The following PCDHA5 variants were observed in gnomAD, a reference collection of about 807,000 sequenced individuals.
PCDHA5 encodes the protein protocadherin alpha-5.
A neutral mutation model predicts 61.6 loss-of-function variants in PCDHA5; 43 were observed. The ratio of observed to expected loss-of-function variants is 0.70; its 90% CI spans 0.55 to 0.90. The LOEUF is 0.90. Ranked by LOEUF, PCDHA5 falls within the 40% of genes least tolerant of loss-of-function variation. The probability of loss-of-function intolerance (pLI) is 0.00; values close to 1 mark genes in which losing one functional copy is unlikely to be tolerated. For synonymous variants in PCDHA5, 627 were observed against 543.9 expected (o/e 1.15, Z -2.13); for missense variants, 1,298 against 1,222.7 (o/e 1.06, Z -0.92).
chr5:140,954,470 G>T (rs999752135), intron 1 of PCDHA5, among the ~76,000 whole-genome samples: 2 of 152,150 alleles, frequency 1.3e-5, no homozygotes, highest in Non-Finnish European at 2.9e-5. Flanking sequence ...ATTCTGACTG[G>T]TGTGAGAAGA....
At chr5:140,984,371 C>T (rs2097099528) in intron 3 of PCDHA5, among the ~76,000 whole-genome samples, 1 of 152,150 alleles carries the variant, frequency 6.6e-6, no homozygotes, top group African/African-American at 2.4e-5. Flanking sequence ...TGGCCAAGTC[C>T]CTCTTTCAGA....
At chr5:140,883,786 C>G in intron 1 of PCDHA5, 1 of 1,612,422 alleles carries the variant, frequency 6.2e-7, no homozygotes, top group Admixed American at 1.7e-5. Flanking sequence ...CGCTGTCGAG[C>G]TACGTGTCGG....
chr5:141,009,852 A>G lies in PCDHA5; in HGVS notation c.2726A>G (p.Lys909Arg), dbSNP rs1554262492. The G allele has an allele frequency of 6.2e-7, 1 of 1,614,074 alleles. No homozygotes were observed. Among genetic ancestry groups the G allele is most frequent in the East Asian group, 2.2e-5 (1 of 44,874 alleles). ...FITFGKKEET[K>R]KKKKKKKGNK... ...ACCTTCGGCAAAAAGGAGGAGACCA[A>G]GAAAAAGAAGAAAAAGAAGAAGGGT... Residue 909 changes from lysine (K) to arginine (R), a missense_variant, in exon 4 of 4, where the codon AAG becomes AGG. Physicochemically the swap from Lys to Arg is conservative, Grantham distance 26. Coordinates refer to ENST00000529859, the MANE Select transcript of PCDHA5 (RefSeq NM_018908.3).
chr5:140,887,317 C>T lies in PCDHA5; in HGVS notation c.2352+63190C>T, dbSNP rs10066665. ...TTCATCTTGTTAGCCAGGATAGTCT[C>T]GAACTCCTGACCTCGTGATCCACCT... On this transcript the variant is annotated intron_variant, in intron 1 of 3. Transcript: ENST00000529859. Among the ~76,000 whole-genome samples the T allele has an allele frequency of 7.3e-3, 1,116 of 152,162 alleles. 15 individuals carry two copies. The highest frequency in any genetic ancestry group is 0.025 in the African/African-American group (1,043 of 41,520).
intron 1 of PCDHA5, chr5:140,881,915 C>G (rs1431128063): frequency 1.7e-5 from 4 of 240,684 alleles, no homozygotes; most frequent in African/African-American, 8.9e-5. Flanking sequence ...AAATGTTGAG[C>G]AGAATGCAGT....
chr5:140,921,131 C>A (rs532456439), intron 1 of PCDHA5, among the ~76,000 whole-genome samples: 1 of 133,054 alleles, frequency 7.5e-6, no homozygotes, highest in East Asian at 2.3e-4. Flanking sequence ...CAGGTGCACA[C>A]CACTACACCC....
intron 1 of PCDHA5, among the ~76,000 whole-genome samples, chr5:140,937,239 G>C (rs1331547271): frequency 2.0e-5 from 3 of 151,804 alleles, no homozygotes; most frequent in African/African-American, 7.3e-5. Context: ...GGGTTTCACC[G>C]TGTTAGCCAG....
chr5:140,821,991 C>T lies in PCDHA5; in HGVS notation c.216C>T (p.Asp72=), dbSNP rs2150112767. The change falls in exon 1 of 4, where the codon GAC becomes GAT. Residue 72 remains aspartate (D), a synonymous_variant. Coordinates refer to ENST00000529859, the MANE Select transcript of PCDHA5 (RefSeq NM_018908.3). The part of the protein sequence containing the change: ...LFRVASKGRG[D]LLEVNLQNGI... ...GGGTGGCGTCCAAGGGCCGCGGGGA[C>T]CTTCTGGAGGTAAATCTGCAGAATG... 1.9e-6 allele frequency: 3 copies of T among 1,614,126 alleles called. No individual in the cohort carries two copies. The South Asian group carries it at 3.3e-5, about 18-fold the overall frequency.
intron 1 of PCDHA5, chr5:140,843,101 G>T (rs1778561024): frequency 1.3e-6 from 2 of 1,595,770 alleles, no homozygotes; most frequent in Non-Finnish European, 1.7e-6. Flanking sequence ...GGTAGCGAAG[G>T]TGCGCGCAGT....
chr5:140,867,150 G>C lies in PCDHA5; in HGVS notation c.2352+43023G>C, dbSNP rs1027648085. On this transcript the variant is annotated intron_variant, in intron 1 of 3. Coordinates refer to ENST00000529859, the MANE Select transcript of PCDHA5 (RefSeq NM_018908.3). ...AATATGTGATATTATCATTTTTCCA[G>C]AGTAAACCTTCTAAGGTTCATTTCC... The C allele has an allele frequency of 2.0e-5, 3 of 152,068 alleles. No individual in the cohort carries two copies. The East Asian group carries it at 5.8e-4, about 29-fold the overall frequency. The allele number at this position is 152,068 out of a possible 1,614,324, so 9.4% of individuals were successfully genotyped here. A position where few individuals can be genotyped will look rare whatever the true frequency, so the allele number is the denominator to read the frequency against.
chr5:140,925,267 G>C (rs931372584), intron 1 of PCDHA5, among the ~76,000 whole-genome samples: 14 of 152,060 alleles, frequency 9.2e-5, no homozygotes, highest in Non-Finnish European at 1.9e-4. Flanking sequence ...CTTGATCTGT[G>C]TTCAGATTTT....
chr5:140,840,681 G>A (rs1776812728), intron 1 of PCDHA5, among the ~76,000 whole-genome samples: 1 of 152,038 alleles, frequency 6.6e-6, no homozygotes, highest in African/African-American at 2.4e-5. Flanking sequence ...TATTACTTTA[G>A]TAAATAAAAC....
rs2041539059 is a variant in PCDHA5, at chr5:140,850,345, G to A, written c.2352+26218G>A. On this transcript the variant is annotated intron_variant, in intron 1 of 3. Transcript: ENST00000529859. ...TACGAGCTGCAGCCAGAAACGGCCA[G>A]CGCGAGCATCCCGTTCCGCGTGGGG... 5.0e-6 allele frequency: 8 copies of A among 1,597,746 alleles called. 1 individual carries two copies. Among genetic ancestry groups the A allele is most frequent in the Non-Finnish European group, 6.9e-6 (8 of 1,167,738 alleles).
At position 140,843,039 on chromosome 5, in the gene PCDHA5, C is replaced by T; in HGVS notation, c.2352+18912C>T. 4.4e-6 allele frequency: 7 copies of T among 1,595,204 alleles called. 1 individual carries two copies. The highest frequency in any genetic ancestry group is 6.0e-6 in the Non-Finnish European group (7 of 1,165,364). ...CTGCTGGAGCCTCGGGTGGGTGGCA[C>T]TGGTGGCGCAGCGAGCAAGCTGGTG... On this transcript the variant is annotated intron_variant, in intron 1 of 3. Coordinates refer to ENST00000529859, the MANE Select transcript of PCDHA5 (RefSeq NM_018908.3).
At chr5:140,876,044 T>G in intron 1 of PCDHA5, 2 of 1,613,884 alleles carry the variant, frequency 1.2e-6, no homozygotes, top group Non-Finnish European at 1.7e-6. Context: ...AAAAGTATAT[T>G]GCCTGAATTA....
chr5:140,849,999 C>A, intron 1 of PCDHA5: 1 of 1,597,044 alleles, frequency 6.3e-7, no homozygotes, highest in East Asian at 2.2e-5. Flanking sequence ...GTTGGGCGAG[C>A]GCTCGCTGTC....
rs112947494 is a variant in PCDHA5, at chr5:140,841,828, C to T, written c.2352+17701C>T. The T allele has an allele frequency of 2.2e-3, 3,483 of 1,613,892 alleles. 96 individuals are homozygous for T. In the African/African-American group the frequency reaches 0.04, roughly 19 times the overall value. ...ATGTTGGAGCTAACTCCGTGTTAAC[C>T]TACAGGCTTAGCTCTCATGATTACT... On this transcript the variant is annotated intron_variant, in intron 1 of 3. Transcript: ENST00000529859.
rs139625618 is a variant in PCDHA5 at position 141,008,025 on chromosome 5, T to C, written c.2501-1602T>C. 1.8e-3 allele frequency among the ~76,000 whole-genome samples: 273 copies of C among 152,354 alleles called. 1 individual carries two copies. Among genetic ancestry groups the C allele is most frequent in the Middle Eastern group, 6.8e-3 (2 of 294 alleles). Reference sequence around the variant, plus strand: ...TAAACTTCTGTTTCCTTTTTTTTCTTGTTAATCTGCCTTTTGTAACAGGGG... The same window carrying C: ...TAAACTTCTGTTTCCTTTTTTTTCTCGTTAATCTGCCTTTTGTAACAGGGG... On this transcript the variant is annotated intron_variant, in intron 3 of 3. Transcript: ENST00000529859.
chr5:140,961,236 T>G (rs246004), intron 1 of PCDHA5, among the ~76,000 whole-genome samples: 1 of 151,942 alleles, frequency 6.6e-6, no homozygotes, highest in African/African-American at 2.4e-5. Context: ...AAAAAGGTGA[T>G]GGAATTTATC....
Sources: gnomAD v4.1 joint callset for allele counts (sites outside exome capture counted in the v4.1 genomes callset) on GRCh38, gnomAD v4.1.1 for gene constraint, MANE v1.5 for transcripts, NCBI Gene and HGNC (gene_info 2026-07-23, HGNC 2026-07-21) for gene names.